The following TTC33 variants were observed in gnomAD, a reference collection of about 807,000 sequenced individuals.
TTC33 encodes tetratricopeptide repeat domain 33, also known as tetratricopeptide repeat protein 33.
A neutral mutation model predicts 29.4 loss-of-function variants in TTC33; 24 were observed. The observed-to-expected ratio is 0.82, with a 90% CI of 0.59 to 1.15. The LOEUF is 1.15. TTC33 is among the 50% of genes most tolerant of loss of function. TTC33 has a pLI of 0.00. For synonymous variants in TTC33, 107 were observed against 100.3 expected, an observed-to-expected ratio of 1.07 and a Z score of -0.40; for missense variants, 286 against 310.4, an observed-to-expected ratio of 0.92 and a Z score of 0.59.
chr5:40,742,787 T>A (rs1168736585), intron 2 of TTC33, among the ~76,000 whole-genome samples: 2 of 152,206 alleles, frequency 1.3e-5, no homozygotes, highest in African/African-American at 4.8e-5. Context: ...CCAAAGGTCC[T>A]TTGTGGTTTG....
rs974950027 is a variant in TTC33, at chr5:40,755,927, C to T, written c.-105G>A. 6.6e-6 allele frequency: 1 copy of T among 152,414 alleles called. No individual in the cohort carries two copies. The highest frequency in any genetic ancestry group is 2.4e-5 in the African/African-American group (1 of 41,474). The allele number at this position is 152,414 out of a possible 1,614,324, so 9.4% of individuals were successfully genotyped here. On this transcript the variant is annotated 5_prime_UTR_variant, in exon 1 of 5. Coordinates refer to ENST00000337702, the MANE Select transcript of TTC33 (RefSeq NM_012382.3). ...GCAAAGGAAAGACGACTCAGTCTTT[C>T]CCCTCCGCCAATCTCTTCTCCGGGA...
At chr5:40,722,438 C>A (rs577856178) in intron 4 of TTC33, among the ~76,000 whole-genome samples, 77 of 151,646 alleles carry the variant, frequency 5.1e-4, no homozygotes, top group African/African-American at 1.7e-3. Context: ...TCTTCCCGGC[C>A]GTCATCCAGT....
At chr5:40,738,567 T>A (rs62356513) in intron 2 of TTC33, among the ~76,000 whole-genome samples, 753 of 66,848 alleles carry the variant, frequency 0.011, 35 homozygotes, top group African/African-American at 0.023. Flanking sequence ...TAAAATAAAA[T>A]ATAAAATAAA....
At chr5:40,742,999 CTA>C (rs1742724777) in intron 2 of TTC33, among the ~76,000 whole-genome samples, 1 of 152,176 alleles carries the variant, frequency 6.6e-6, no homozygotes, top group African/African-American at 2.4e-5. Flanking sequence ...GCTGAAGACA[CTA>C]TACAAGTTAG....
intron 2 of TTC33, among the ~76,000 whole-genome samples, chr5:40,731,690 G>A (rs953866404): frequency 2.0e-5 from 3 of 152,140 alleles, no homozygotes; most frequent in African/African-American, 4.8e-5. Flanking sequence ...CTTGACACGG[G>A]GATTATTACA....
intron 2 of TTC33, among the ~76,000 whole-genome samples, chr5:40,741,967 C>T (rs1254663905): frequency 2.6e-5 from 4 of 151,868 alleles, no homozygotes; most frequent in African/African-American, 9.7e-5. Context: ...CCAGCCTGGG[C>T]CAACAGAGCG....
At chr5:40,722,765 C>T (rs1742174563) in intron 4 of TTC33, among the ~76,000 whole-genome samples, 1 of 151,268 alleles carries the variant, frequency 6.6e-6, no homozygotes. Flanking sequence ...GACGCCCCGT[C>T]CCGGAGGTGG....
chr5:40,721,453 A>C (rs1274569445), intron 4 of TTC33, among the ~76,000 whole-genome samples: 2 of 152,196 alleles, frequency 1.3e-5, no homozygotes, highest in Non-Finnish European at 2.9e-5. Flanking sequence ...ATAAATCCAC[A>C]CCCAACATGG....
chr5:40,719,785 A>C (rs1253859062), intron 4 of TTC33, among the ~76,000 whole-genome samples: 1 of 152,196 alleles, frequency 6.6e-6, no homozygotes, highest in African/African-American at 2.4e-5. Context: ...TTTCCTTGAC[A>C]AGTAACAATG....
chr5:40,753,396 G>T (rs1288043398), intron 1 of TTC33, among the ~76,000 whole-genome samples: 1 of 151,580 alleles, frequency 6.6e-6, no homozygotes, highest in Non-Finnish European at 1.5e-5. Context: ...AAGAAAGAAA[G>T]AAATATACAG....
intron 1 of TTC33, among the ~76,000 whole-genome samples, chr5:40,751,993 G>A (rs1473144821): frequency 6.6e-6 from 1 of 151,258 alleles, no homozygotes; most frequent in Non-Finnish European, 1.5e-5. Flanking sequence ...ATCTCATTTA[G>A]TGTAGCCAAC....
At chr5:40,747,808 A>C (rs1256017137) in intron 1 of TTC33, among the ~76,000 whole-genome samples, 1 of 152,172 alleles carries the variant, frequency 6.6e-6, no homozygotes, top group Non-Finnish European at 1.5e-5. Flanking sequence ...CTCCTGATTC[A>C]AAAAAGCCAA....
chr5:40,723,817 A>G (rs935968300), intron 4 of TTC33, among the ~76,000 whole-genome samples: 2 of 151,980 alleles, frequency 1.3e-5, no homozygotes, highest in Admixed American at 1.3e-4. Flanking sequence ...GTGAGCCGAG[A>G]TCACACCACT....
At position 40,712,906 on chromosome 5, in the gene TTC33, T is replaced by C. The variant is rs1440518471; in HGVS notation, c.*3239A>G. On this transcript the variant is annotated 3_prime_UTR_variant, in exon 5 of 5. Transcript: ENST00000337702. ...TACAGTAGCTTTAGGGCCACACTTC[T>C]TCTTCCGAAGTAACCATATTTAATT... Among the ~76,000 whole-genome samples, 1 of 152,144 alleles carries C rather than the reference T, an allele frequency of 6.6e-6. No homozygotes were observed. The highest frequency in any genetic ancestry group is 1.9e-4 in the East Asian group (1 of 5,190).
intron 4 of TTC33, among the ~76,000 whole-genome samples, chr5:40,724,106 C>G (rs1429714252): frequency 6.6e-6 from 1 of 152,084 alleles, no homozygotes; most frequent in Non-Finnish European, 1.5e-5. Flanking sequence ...TCACGATAGC[C>G]AATATGTAGA....
chr5:40,749,363 T>C (rs1216152565), intron 1 of TTC33, among the ~76,000 whole-genome samples: 1 of 152,220 alleles, frequency 6.6e-6, no homozygotes, highest in Admixed American at 6.5e-5. Context: ...TTTTGGAGAA[T>C]AGTGTTTAAG....
intron 1 of TTC33, among the ~76,000 whole-genome samples, chr5:40,755,325 G>A (rs1375298718): frequency 6.6e-6 from 1 of 152,190 alleles, no homozygotes; most frequent in African/African-American, 2.4e-5. Context: ...ATTCAGAGGT[G>A]AGGAATCCAA....
chr5:40,732,564 C>G (rs550726084), intron 2 of TTC33, among the ~76,000 whole-genome samples: 4 of 151,868 alleles, frequency 2.6e-5, no homozygotes, highest in African/African-American at 9.7e-5. Flanking sequence ...ATATGCTCTA[C>G]AGTACCCAGA....
intron 4 of TTC33, among the ~76,000 whole-genome samples, chr5:40,725,346 G>GTCCA (rs1463763105): frequency 6.6e-6 from 1 of 151,958 alleles, no homozygotes; most frequent in African/African-American, 2.4e-5. Flanking sequence ...ATTATCACTT[G>GTCCA]TCCATCCCAT....
Sources: allele counts gnomAD v4.1 joint callset (sites outside exome capture counted in the v4.1 genomes callset), GRCh38; gene constraint gnomAD v4.1.1; transcripts MANE v1.5; gene names NCBI Gene and HGNC (gene_info 2026-07-23, HGNC 2026-07-21).